Variants in EYS observed in about 807,000 individuals in gnomAD.
The protein encoded by EYS is protein eyes shut homolog.
EYS carries 250 observed loss-of-function variants against 282.1 expected under a neutral mutation model. The observed-to-expected ratio is 0.89, with a 90% CI of 0.80 to 0.98. EYS has a LOEUF of 0.98. Ranked by LOEUF, EYS falls within the 50% of genes least tolerant of loss-of-function variation. EYS has a pLI of 0.00. For synonymous variants in EYS, 1,355 were observed against 1,282.9 expected (o/e 1.06, Z -1.20); for missense variants, 4,016 against 3,709.0 (o/e 1.08, Z -2.15).
At chr6:64,922,443 A>C (rs909328706) in intron 15 of EYS, among the ~76,000 whole-genome samples, 2 of 152,258 alleles carry the variant, frequency 1.3e-5, no homozygotes, top group Non-Finnish European at 2.9e-5. Flanking sequence ...AAAGAGCCAG[A>C]CATCTTATAT....
chr6:65,005,662 G>C (rs1209503332), intron 13 of EYS, among the ~76,000 whole-genome samples: 2 of 147,608 alleles, frequency 1.4e-5, no homozygotes, highest in Non-Finnish European at 3.0e-5. Flanking sequence ...AGGCTATCTG[G>C]GGAAGGGCTT....
At chr6:64,098,581 G>T (rs1772714634) in intron 31 of EYS, among the ~76,000 whole-genome samples, 1 of 151,306 alleles carries the variant, frequency 6.6e-6, no homozygotes, top group South Asian at 2.1e-4. Flanking sequence ...CTTCAAATGT[G>T]TTAGTAATGT....
At chr6:63,970,506 G>T (rs1240037102) in intron 35 of EYS, among the ~76,000 whole-genome samples, 3 of 152,066 alleles carry the variant, frequency 2.0e-5, no homozygotes, top group Non-Finnish European at 2.9e-5. Flanking sequence ...CTGGTGGCGG[G>T]TGCCTGTAGT....
chr6:64,976,262 G>A (rs1036843692), intron 14 of EYS, among the ~76,000 whole-genome samples: 9 of 151,682 alleles, frequency 5.9e-5, no homozygotes, highest in Middle Eastern at 3.2e-3. Flanking sequence ...TCATTAATAA[G>A]TATGTGATGA....
chr6:64,966,683 G>T (rs1770105585), intron 14 of EYS, among the ~76,000 whole-genome samples: 1 of 152,088 alleles, frequency 6.6e-6, no homozygotes, highest in Admixed American at 6.6e-5. Context: ...TAACATGGTT[G>T]CTTCAATCCT....
chr6:64,883,941 T>C (rs1400380045), intron 19 of EYS, among the ~76,000 whole-genome samples: 2 of 151,552 alleles, frequency 1.3e-5, no homozygotes, highest in Non-Finnish European at 3.0e-5. Context: ...ATTATCTTCT[T>C]CCAATTCTAG....
intron 26 of EYS, among the ~76,000 whole-genome samples, chr6:64,565,799 C>T (rs899675733): frequency 6.6e-6 from 1 of 151,768 alleles, no homozygotes; most frequent in African/African-American, 2.4e-5. Context: ...TAACTATATA[C>T]AGTGATGGAT....
At chr6:65,310,731 G>A (rs985032946) in intron 11 of EYS, among the ~76,000 whole-genome samples, 3 of 151,920 alleles carry the variant, frequency 2.0e-5, no homozygotes, top group Non-Finnish European at 4.4e-5. Context: ...TCCATTTCTC[G>A]AGTGATTCCC....
chr6:65,005,498 T>A (rs1353285831), intron 13 of EYS, among the ~76,000 whole-genome samples: 1 of 147,560 alleles, frequency 6.8e-6, no homozygotes, highest in African/African-American at 2.4e-5. Context: ...GGTAACATTT[T>A]GGCGACCACG....
intron 24 of EYS, among the ~76,000 whole-genome samples, chr6:64,597,843 C>A (rs1766636423): frequency 6.6e-6 from 1 of 152,088 alleles, no homozygotes; most frequent in Non-Finnish European, 1.5e-5. Flanking sequence ...CAAAATTGCA[C>A]TTGTAACGCT....
intron 12 of EYS, among the ~76,000 whole-genome samples, chr6:65,230,614 C>T (rs1368158147): frequency 2.6e-5 from 4 of 151,284 alleles, no homozygotes; most frequent in African/African-American, 9.7e-5. Flanking sequence ...CTTTTTTTTC[C>T]TAGAGAGTCT....
intron 12 of EYS, among the ~76,000 whole-genome samples, chr6:65,193,035 G>A (rs1009890533): frequency 4.6e-5 from 7 of 151,876 alleles, no homozygotes; most frequent in Non-Finnish European, 1.0e-4. Flanking sequence ...AACATGGATA[G>A]AACTGGAGGT....
chr6:65,226,287 T>C (rs1452996656), intron 12 of EYS, among the ~76,000 whole-genome samples: 1 of 152,020 alleles, frequency 6.6e-6, no homozygotes, highest in East Asian at 1.9e-4. Flanking sequence ...CATTTAAATA[T>C]TTAGAAATAA....
At chr6:64,229,347 T>C (rs559550866) in intron 31 of EYS, among the ~76,000 whole-genome samples, 1 of 152,198 alleles carries the variant, frequency 6.6e-6, no homozygotes, top group African/African-American at 2.4e-5. Flanking sequence ...AAAAGCCCTC[T>C]CAGAATTTTA....
At chr6:65,272,649 G>A (rs1178467418) in intron 12 of EYS, among the ~76,000 whole-genome samples, 2 of 151,892 alleles carry the variant, frequency 1.3e-5, no homozygotes, top group East Asian at 1.9e-4. Context: ...GAACTATTAG[G>A]ATATACATTA....
At chr6:63,758,858 A>G (rs1769561406) in intron 41 of EYS, among the ~76,000 whole-genome samples, 1 of 152,070 alleles carries the variant, frequency 6.6e-6, no homozygotes, top group Admixed American at 6.6e-5. Context: ...GCTGGATCTC[A>G]TCATTGTCAA....
At chr6:64,714,511 T>G (rs1771310284) in intron 22 of EYS, among the ~76,000 whole-genome samples, 1 of 26,564 alleles carries the variant, frequency 3.8e-5, no homozygotes, top group South Asian at 1.3e-3. Context: ...ACATTTTCTT[T>G]CTTTCTTTTT....
At chr6:64,961,027 C>T (rs1182944778) in intron 14 of EYS, among the ~76,000 whole-genome samples, 2 of 152,120 alleles carry the variant, frequency 1.3e-5, no homozygotes, top group East Asian at 1.9e-4. Context: ...TGTATGTGTA[C>T]CACATTTTCT....
intron 24 of EYS, among the ~76,000 whole-genome samples, chr6:64,599,817 C>T (rs188296272): frequency 9.9e-5 from 15 of 152,156 alleles, no homozygotes; most frequent in East Asian, 9.7e-4. Flanking sequence ...TATGAAACAT[C>T]GTCAAGATTT....
Sources: gnomAD v4.1 joint callset for allele counts (sites outside exome capture counted in the v4.1 genomes callset) on GRCh38, gnomAD v4.1.1 for gene constraint, MANE v1.5 for transcripts, NCBI Gene and HGNC (gene_info 2026-07-23, HGNC 2026-07-21) for gene names.